The following SLC5A12 variants were observed in gnomAD, a reference collection of about 807,000 sequenced individuals.
SLC5A12 encodes solute carrier family 5 member 12.
Under a neutral mutation model 72.7 loss-of-function variants are expected in SLC5A12, and 46 were observed. The ratio of observed to expected loss-of-function variants is 0.63; its 90% CI spans 0.50 to 0.81. The LOEUF is 0.81. SLC5A12 is among the 30% of genes least tolerant of loss of function. The probability of loss-of-function intolerance (pLI) is 0.00; values close to 1 mark genes in which losing one functional copy is unlikely to be tolerated. For synonymous variants in SLC5A12, 275 were observed against 264.4 expected, an observed-to-expected ratio of 1.04 and a Z score of -0.39; for missense variants, 683 against 740.7, an observed-to-expected ratio of 0.92 and a Z score of 0.90.
chr11:26,672,558 A>T (rs1245070935), intron 14 of SLC5A12, among the ~76,000 whole-genome samples: 1 of 152,082 alleles, frequency 6.6e-6, no homozygotes, highest in African/African-American at 2.4e-5. Flanking sequence ...TCTGCTTCCC[A>T]TAGACCCCTT....
intron 14 of SLC5A12, among the ~76,000 whole-genome samples, chr11:26,672,954 A>G (rs1854177999): frequency 6.6e-6 from 1 of 152,060 alleles, no homozygotes; most frequent in South Asian, 2.1e-4. Context: ...TTACTCATCC[A>G]GTTTTTAGAT....
chr11:26,682,384 AT>A (rs1854430504), intron 11 of SLC5A12, among the ~76,000 whole-genome samples: 2 of 152,078 alleles, frequency 1.3e-5, no homozygotes, highest in Non-Finnish European at 2.9e-5. Context: ...TGGAAAATGG[AT>A]TTCAACTGGA....
intron 10 of SLC5A12, among the ~76,000 whole-genome samples, chr11:26,684,316 C>T (rs1186490958): frequency 6.6e-6 from 1 of 152,010 alleles, no homozygotes; most frequent in Non-Finnish European, 1.5e-5. Flanking sequence ...TAAAGCCTTC[C>T]TTCTTACCCA....
chr11:26,676,812 A>T (rs949513198), intron 13 of SLC5A12, among the ~76,000 whole-genome samples: 1 of 152,210 alleles, frequency 6.6e-6, no homozygotes, highest in Admixed American at 6.6e-5. Context: ...GCTAATCAAC[A>T]CAGACATGAT....
At chr11:26,678,561 G>T in intron 13 of SLC5A12, 151 bp downstream of exon 13, 1 of 589,230 alleles carries the variant, frequency 1.7e-6, no homozygotes, top group Non-Finnish European at 3.0e-6. Flanking sequence ...GGGTGCCTTT[G>T]TATGTCAGCG....
chr11:26,700,580 G>A (rs1369735047), intron 6 of SLC5A12, among the ~76,000 whole-genome samples: 1 of 151,764 alleles, frequency 6.6e-6, no homozygotes, highest in East Asian at 1.9e-4. Flanking sequence ...ATAAACTAAG[G>A]AAGTGGAAAT....
At chr11:26,688,394 T>C (rs1343593660) in intron 9 of SLC5A12, among the ~76,000 whole-genome samples, 1 of 152,204 alleles carries the variant, frequency 6.6e-6, no homozygotes, top group East Asian at 1.9e-4. Context: ...CTGGCAGCAG[T>C]GCCCATCTAC....
Position 26,721,514 on chromosome 11 carries a change from G to A in SLC5A12, c.201C>T (p.Val67=), listed in dbSNP as rs1855479827. ...LTASFMSAVT[V]LGTPSEVYRF... is the part of the protein sequence containing the mutation. ...GGTAGACTTCAGAAGGGGTCCCCAG[G>A]ACCGTGACAGCTGACATGAAGCTGG... is the stretch of plus-strand genomic sequence containing the variant. The change falls in exon 1 of 15, where the codon GTC becomes GTT. Residue 67 remains valine, a synonymous_variant. Transcript: ENST00000396005. The A allele has an allele frequency of 6.2e-7, 1 of 1,613,998 alleles. No individual in the cohort carries two copies. Among genetic ancestry groups the A allele is most frequent in the South Asian group, 1.1e-5 (1 of 91,070 alleles).
rs746688077 is a variant in SLC5A12 at position 26,711,384 on chromosome 11, G to T, written c.406-26C>A. The T allele has an allele frequency of 1.2e-5, 19 of 1,595,244 alleles. No homozygotes were observed. The African/African-American group carries it at 2.4e-4, about 20-fold the overall frequency. On this transcript the variant is annotated intron_variant, in intron 2 of 14. Transcript: ENST00000396005. ...CTGGTAGAGAAACAAGAATCAGATT[G>T]GCAGTGAGAAAGGGACATAGAAAGG...
chr11:26,709,404 A>G (rs763305931), intron 3 of SLC5A12, 25 bp from the exon 4 acceptor site: 8 of 1,574,794 alleles, frequency 5.1e-6, no homozygotes, highest in African/African-American at 4.1e-5. Context: ...AAAAATATTA[A>G]AAGAAGTTTC....
At chr11:26,673,339 T>C (rs1854187781) in intron 14 of SLC5A12, 63 bp downstream of exon 14, 2 of 1,393,386 alleles carry the variant, frequency 1.4e-6, no homozygotes, top group Non-Finnish European at 1.9e-6. Context: ...CCGGTTTAAA[T>C]GGGCAAAACC....
At position 26,721,444 on chromosome 11, in the gene SLC5A12, C is replaced by T; in HGVS notation, c.271G>A (p.Val91Ile). The change falls in exon 1 of 15, where the codon GTC becomes ATC. Residue 91 changes from valine to isoleucine, a missense_variant. By Grantham distance (29) the Val-to-Ile change is conservative. Coordinates refer to ENST00000396005, the MANE Select transcript of SLC5A12 (RefSeq NM_178498.4). ...AAGAGCTCTGATGTTAAGAGGATGA[C>T]AAATAGGTAAGCAATGAAGAAGACT... ...FLVFFIAYLF[V>I]ILLTSELFLP... The T allele has an allele frequency of 6.2e-7, 1 of 1,614,042 alleles. No homozygotes were observed. Among genetic ancestry groups the T allele is most frequent in the Non-Finnish European group, 8.5e-7 (1 of 1,179,996 alleles).
chr11:26,689,090 CAAAAAAA>C (rs36100337), intron 9 of SLC5A12, among the ~76,000 whole-genome samples: 1 of 111,342 alleles, frequency 9.0e-6, no homozygotes, highest in African/African-American at 3.6e-5. Context: ...AAGGACGTTA[CAAAAAAA>C]AAAAAAAAAA....
At chr11:26,704,203 T>C (rs573359618) in intron 4 of SLC5A12, among the ~76,000 whole-genome samples, 1 of 152,266 alleles carries the variant, frequency 6.6e-6, no homozygotes, top group Admixed American at 6.5e-5. Flanking sequence ...AGTGATTTAC[T>C]TAAAAATGTG....
chr11:26,697,385 A>C, intron 7 of SLC5A12, 133 bp from the exon 8 acceptor site: 1 of 706,812 alleles, frequency 1.4e-6, no homozygotes, highest in Non-Finnish European at 2.3e-6. Context: ...GCTGTTTAGC[A>C]AAAGGAGGTA....
Position 26,721,563 on chromosome 11 carries a change from C to T in SLC5A12, c.152G>A (p.Gly51Asp). The T allele has an allele frequency of 3.7e-6, 6 of 1,614,066 alleles. No homozygotes were observed. Among genetic ancestry groups the T allele is most frequent in the Non-Finnish European group, 4.2e-6 (5 of 1,180,010 alleles). The change falls in exon 1 of 15, where the codon GGC becomes GAC. Residue 51 changes from glycine (G) to aspartate (D), a missense_variant. Transcript: ENST00000396005. Reference protein sequence around the residue: ...FLVGGRQMSFGPVGLSLTASF... With the variant: ...FLVGGRQMSFDPVGLSLTASF... ...GGCTGTCAGAGACAAGCCGACAGGG[C>T]CAAAGCTCATTTGCCTTCCCCCAAC...
rs1854073553 is a variant in SLC5A12 at position 26,669,187 on chromosome 11, T to TTTCTTTCTCTTTCTTTCTTTC, written c.*1914_*1915insGAAAGAAAGAAAGAGAAAGAA. On this transcript the variant is annotated 3_prime_UTR_variant, in exon 15 of 15. Transcript: ENST00000396005. ...TGTCTTTTTCTTTCTTTCTTTCTTC[T>TTTCTTTCTCTTTCTTTCTTTC]TTTCTTTCTTTCTTTCTTTCTTTCT... 10 of 110,940 alleles carry TTTCTTTCTCTTTCTTTCTTTC rather than the reference T, an allele frequency of 9.0e-5. No homozygotes were observed. The highest frequency in any genetic ancestry group is 1.6e-4 in the Non-Finnish European group (8 of 50,894). 6.9% of individuals were successfully genotyped at this position (110,940 alleles called of 1,614,324 possible).
chr11:26,680,444 C>T (rs1854384822), intron 12 of SLC5A12, among the ~76,000 whole-genome samples: 1 of 140,648 alleles, frequency 7.1e-6, no homozygotes, highest in Non-Finnish European at 1.5e-5. Context: ...TCTGAGAATT[C>T]AAGAAGTTAC....
rs1854126360 is a variant in SLC5A12, at chr11:26,671,018, C to T, written c.*84G>A. The T allele has an allele frequency of 6.8e-6, 9 of 1,330,116 alleles. No homozygotes were observed. The East Asian group carries it at 2.4e-4, about 35-fold the overall frequency. 82.4% of individuals were successfully genotyped at this position (1,330,116 alleles called of 1,614,324 possible). On this transcript the variant is annotated 3_prime_UTR_variant, in exon 15 of 15. Transcript: ENST00000396005. ...TAGCAATGGCAACTATACATATCTA[C>T]TAACAAGTAGGCAAGAAGTATGTGG...
Sources: gnomAD v4.1 joint callset for allele counts (sites outside exome capture counted in the v4.1 genomes callset) on GRCh38, gnomAD v4.1.1 for gene constraint, MANE v1.5 for transcripts, NCBI Gene and HGNC (gene_info 2026-07-23, HGNC 2026-07-21) for gene names.